The following SPINK13 variants were observed in gnomAD, a reference collection of about 807,000 sequenced individuals.
The protein encoded by SPINK13 is serine protease inhibitor Kazal-type 13.
Under a neutral mutation model 11.0 loss-of-function variants are expected in SPINK13, and 11 were observed. That is an observed-to-expected ratio of 1.00 (90% CI 0.63 to 1.65). SPINK13 has a LOEUF of 1.65. Ranked by LOEUF, SPINK13 falls within the 40% of genes most tolerant of loss-of-function variation. The pLI is 0.00. For synonymous variants in SPINK13, 31 were observed against 35.6 expected (o/e 0.87, Z 0.46); for missense variants, 113 against 117.7 (o/e 0.96, Z 0.19).
intron 3 of SPINK13, among the ~76,000 whole-genome samples, chr5:148,277,830 A>G (rs1756454280): frequency 6.6e-6 from 1 of 152,186 alleles, no homozygotes; most frequent in Non-Finnish European, 1.5e-5. Context: ...ATTGCTTGGA[A>G]TAGTTTCAGA....
chr5:148,285,424 T>C (rs572977538), intron 4 of SPINK13, among the ~76,000 whole-genome samples: 6 of 152,204 alleles, frequency 3.9e-5, no homozygotes, highest in Non-Finnish European at 7.4e-5. Context: ...CAGTGCCAAC[T>C]GTTTGGGAAA....
At chr5:148,283,385 G>T (rs1233878242) in intron 4 of SPINK13, among the ~76,000 whole-genome samples, 1 of 152,132 alleles carries the variant, frequency 6.6e-6, no homozygotes. Flanking sequence ...CCAGGTCCTG[G>T]ATATACAAAC....
intron 2 of SPINK13, among the ~76,000 whole-genome samples, chr5:148,271,411 C>A (rs1335686950): frequency 6.6e-6 from 1 of 152,082 alleles, no homozygotes; most frequent in Non-Finnish European, 1.5e-5. Flanking sequence ...TTCAATCAAC[C>A]AATTCTCTTG....
intron 2 of SPINK13, among the ~76,000 whole-genome samples, chr5:148,272,801 T>A (rs546253494): frequency 1.3e-5 from 2 of 152,358 alleles, no homozygotes; most frequent in African/African-American, 2.4e-5. Context: ...TATCTTTGAA[T>A]CTATTAGTTG....
chr5:148,271,740 T>C (rs1010652297), intron 2 of SPINK13, among the ~76,000 whole-genome samples: 8 of 152,188 alleles, frequency 5.3e-5, no homozygotes, highest in Non-Finnish European at 8.8e-5. Context: ...TTCTCCTGCC[T>C]CAGCCTCCCG....
intron 4 of SPINK13, among the ~76,000 whole-genome samples, chr5:148,283,044 A>G (rs1289083920): frequency 6.6e-6 from 1 of 152,178 alleles, no homozygotes; most frequent in African/African-American, 2.4e-5. Flanking sequence ...CCAAAGATGC[A>G]TGAGGTGGAG....
intron 3 of SPINK13, among the ~76,000 whole-genome samples, chr5:148,280,743 C>A (rs1454670900): frequency 1.3e-5 from 2 of 152,218 alleles, no homozygotes; most frequent in Non-Finnish European, 2.9e-5. Flanking sequence ...GCATCTCCCC[C>A]TCAGGAGGCA....
chr5:148,286,007 C>T lies in SPINK13; in HGVS notation c.244C>T (p.His82Tyr). 1 of 1,455,198 alleles carries T rather than the reference C, an allele frequency of 6.9e-7. No homozygotes were observed. Among genetic ancestry groups the T allele is most frequent in the Non-Finnish European group, 9.4e-7 (1 of 1,060,514 alleles). The allele number at this position is 1,455,198 out of a possible 1,614,324, so 90.1% of individuals were successfully genotyped here. A position where few individuals can be genotyped will look rare whatever the true frequency, so the allele number is the denominator to read the frequency against. The change falls in exon 5 of 5, where the codon CAT (histidine) becomes TAT (tyrosine). Residue 82 changes from histidine to tyrosine, a missense_variant. By Grantham distance (83) the His-to-Tyr change is moderately conservative (BLOSUM62 2). Transcript: ENST00000398450. ...TTTTTCTCTTCTCTTTAGGGAATTT[C>T]ATTATCGTATAAAATTTGAAAAATA... Reference protein sequence around the residue: ...CFFCVEQREFHYRIKFEKYGK... With the variant: ...CFFCVEQREFYYRIKFEKYGK...
At chr5:148,272,204 G>A (rs2113363036) in intron 2 of SPINK13, among the ~76,000 whole-genome samples, 1 of 152,188 alleles carries the variant, frequency 6.6e-6, no homozygotes, top group Non-Finnish European at 1.5e-5. Flanking sequence ...TTTGATGCAC[G>A]TGAACGAGAG....
chr5:148,284,702 T>C (rs546790796), intron 4 of SPINK13, among the ~76,000 whole-genome samples: 81 of 152,214 alleles, frequency 5.3e-4, no homozygotes, highest in Non-Finnish European at 1.1e-3. Context: ...CTCTTGGCAG[T>C]GTTTTGAGGA....
At chr5:148,271,872 C>T (rs1421514018) in intron 2 of SPINK13, among the ~76,000 whole-genome samples, 3 of 152,192 alleles carry the variant, frequency 2.0e-5, no homozygotes, top group East Asian at 3.9e-4. Flanking sequence ...GATCCGCCCG[C>T]CTGGCCTCCC....
At chr5:148,270,014 A>G in intron 1 of SPINK13, 26 bp from the exon 2 acceptor site, 1 of 1,561,194 alleles carries the variant, frequency 6.4e-7, no homozygotes, top group Admixed American at 1.7e-5. Flanking sequence ...GGGGGAAACT[A>G]AAAACAATCT....
At chr5:148,269,203 T>A (rs1276923697) in intron 1 of SPINK13, among the ~76,000 whole-genome samples, 1 of 152,122 alleles carries the variant, frequency 6.6e-6, no homozygotes, top group Non-Finnish European at 1.5e-5. Flanking sequence ...CTAAACAAAT[T>A]GTCAATTTAA....
chr5:148,280,251 C>G (rs1311735201), intron 3 of SPINK13, among the ~76,000 whole-genome samples: 1 of 151,952 alleles, frequency 6.6e-6, no homozygotes, highest in Non-Finnish European at 1.5e-5. Context: ...CTCAGAGAAG[C>G]TTGTTATTAC....
intron 4 of SPINK13, among the ~76,000 whole-genome samples, chr5:148,284,535 G>A (rs1253733083): frequency 6.6e-6 from 1 of 152,146 alleles, no homozygotes. Context: ...AATTCCAATG[G>A]CAGGAATGGT....
At chr5:148,274,420 T>C (rs748554166) in intron 3 of SPINK13, 36 bp downstream of exon 3, 3 of 1,547,136 alleles carry the variant, frequency 1.9e-6, no homozygotes, top group South Asian at 2.2e-5. Context: ...GTTGTAATTC[T>C]AGTCTAATCA....
chr5:148,280,513 T>C (rs2113372915), intron 3 of SPINK13, among the ~76,000 whole-genome samples: 1 of 152,354 alleles, frequency 6.6e-6, no homozygotes, highest in Non-Finnish European at 1.5e-5. Context: ...TTGCTTTCGT[T>C]TGTTAGTTTG....
At chr5:148,285,924 G>T in intron 4 of SPINK13, 76 bp from the exon 5 acceptor site, 1 of 841,844 alleles carries the variant, frequency 1.2e-6, no homozygotes, top group East Asian at 3.0e-5. Flanking sequence ...TCTTTTAGAA[G>T]ATAAGGAAAA....
At chr5:148,270,190 G>A in intron 2 of SPINK13, 48 bp downstream of exon 2, 1 of 1,580,832 alleles carries the variant, frequency 6.3e-7, no homozygotes. Context: ...TTTTCTTAAA[G>A]TTATAGGAAA....
Sources: gnomAD v4.1 joint callset for allele counts (sites outside exome capture counted in the v4.1 genomes callset) on GRCh38, gnomAD v4.1.1 for gene constraint, MANE v1.5 for transcripts, NCBI Gene and HGNC (gene_info 2026-07-23, HGNC 2026-07-21) for gene names.